The following CPXM2 variants were observed in gnomAD, a reference collection of about 807,000 sequenced individuals.
The protein encoded by CPXM2 is carboxypeptidase X, M14 family member 2.
CPXM2 carries 66 observed loss-of-function variants against 86.1 expected under a neutral mutation model. The ratio of observed to expected loss-of-function variants is 0.77; its 90% CI spans 0.63 to 0.94. The LOEUF (loss-of-function observed/expected upper bound fraction) is 0.94, where lower values mean the gene tolerates loss of function less well. Among genes scored for constraint, CPXM2 ranks in the 40% least tolerant of loss-of-function variants. The pLI is 0.00. For missense variants in CPXM2, 948 were observed against 1,026.3 expected (o/e 0.92, Z 1.04); for synonymous variants, 388 against 400.2 (o/e 0.97, Z 0.36).
At chr10:123,814,486 A>T (rs921050015) in intron 4 of CPXM2, among the ~76,000 whole-genome samples, 1 of 152,138 alleles carries the variant, frequency 6.6e-6, no homozygotes, top group Non-Finnish European at 1.5e-5. Context: ...GTTAATACTT[A>T]ATAAACTCCC....
upstream of CPXM2, among the ~76,000 whole-genome samples, chr10:123,895,106 TTTTTTC>T (rs1403346310): frequency 8.6e-6 from 1 of 115,638 alleles, no homozygotes; most frequent in Non-Finnish European, 1.9e-5. Flanking sequence ...AGATTCTTTT[TTTTTTC>T]TTTTTTTTCT....
At chr10:123,872,524 T>C (rs1944911582) in intron 2 of CPXM2, among the ~76,000 whole-genome samples, 1 of 152,082 alleles carries the variant, frequency 6.6e-6, no homozygotes, top group Non-Finnish European at 1.5e-5. Context: ...GGAGTAATGG[T>C]TACTGGCTGG....
intron 2 of CPXM2, among the ~76,000 whole-genome samples, chr10:123,871,943 A>T (rs532253079): frequency 6.6e-6 from 1 of 152,336 alleles, no homozygotes; most frequent in South Asian, 2.1e-4. Flanking sequence ...AGGTTATCCT[A>T]ATGGTAAGTA....
intron 2 of CPXM2, among the ~76,000 whole-genome samples, chr10:123,933,037 C>T (rs1334967150): frequency 6.6e-6 from 1 of 152,220 alleles, no homozygotes; most frequent in Non-Finnish European, 1.5e-5. Flanking sequence ...CCAATCCACC[C>T]TGGTACAGTG....
In CPXM2 at chr10:123,799,152, T is replaced by C; in HGVS notation, c.701A>G (p.His234Arg). 6.2e-7 allele frequency: 1 copy of C among 1,614,188 alleles called. No homozygotes were observed. The highest frequency in any genetic ancestry group is 8.5e-7 in the Non-Finnish European group (1 of 1,180,024). ...TCCATTCTTAACAGTGACCCACGTG[T>C]GGCTGTCATTGCTCACCATGACCTT... The part of the protein sequence containing the change: ...SYKVMVSNDS[H>R]TWVTVKNGSG... The change falls in exon 5 of 14, where the codon CAC becomes CGC. Residue 234 changes from histidine to arginine, a missense_variant. Coordinates refer to ENST00000241305, the MANE Select transcript of CPXM2 (RefSeq NM_198148.3).
At chr10:123,840,319 C>T (rs1373921939) in intron 4 of CPXM2, among the ~76,000 whole-genome samples, 1 of 152,164 alleles carries the variant, frequency 6.6e-6, no homozygotes, top group African/African-American at 2.4e-5. Flanking sequence ...TCAGCATGTA[C>T]ATACACAAAA....
At chr10:123,937,929 G>A (rs1945737957) in intron 2 of CPXM2, among the ~76,000 whole-genome samples, 1 of 152,148 alleles carries the variant, frequency 6.6e-6, no homozygotes, top group African/African-American at 2.4e-5. Context: ...TATTTCTGGT[G>A]CTAGAGCCTT....
intron 6 of CPXM2, among the ~76,000 whole-genome samples, chr10:123,780,762 T>TA (rs917411410): frequency 6.7e-5 from 10 of 148,162 alleles, no homozygotes; most frequent in African/African-American, 2.5e-4. Flanking sequence ...CCTTCCTTCC[T>TA]AAAAAAGTCC....
chr10:123,787,392 T>C (rs1847086599), intron 6 of CPXM2, among the ~76,000 whole-genome samples: 1 of 152,058 alleles, frequency 6.6e-6, no homozygotes, highest in Non-Finnish European at 1.5e-5. Context: ...ATGAGACTTT[T>C]TTTTTTCTTT....
rs374578205 is a variant in CPXM2, at chr10:123,871,971, AT to A, written c.403+8239del. On this transcript the variant is annotated intron_variant, in intron 2 of 13. Coordinates refer to ENST00000241305, the MANE Select transcript of CPXM2 (RefSeq NM_198148.3). ...GGTAAGTAAGCATTAGTCACTAGTCATCAGGAAAATACAAATTAAGACCACA... is the reference window on the plus strand; with the variant it reads ...GGTAAGTAAGCATTAGTCACTAGTCACAGGAAAATACAAATTAAGACCACA... 3.1e-4 allele frequency among the ~76,000 whole-genome samples: 47 copies of A among 152,378 alleles called. No homozygotes were observed. In the South Asian group the frequency reaches 9.3e-3, roughly 30 times the overall value.
chr10:123,764,921 C>A (rs1289311736), intron 10 of CPXM2, among the ~76,000 whole-genome samples: 1 of 152,156 alleles, frequency 6.6e-6, no homozygotes, highest in African/African-American at 2.4e-5. Context: ...CTGTAATCCA[C>A]AAATTTTCAT....
intron 1 of CPXM2, among the ~76,000 whole-genome samples, chr10:123,890,986 C>T (rs574349453): frequency 1.3e-5 from 2 of 152,322 alleles, no homozygotes; most frequent in Admixed American, 6.5e-5. Context: ...GAAATTCAGC[C>T]GCATTTGAGG....
At chr10:123,751,071 G>T in intron 13 of CPXM2, 1 of 985,172 alleles carries the variant, frequency 1.0e-6, no homozygotes, top group Non-Finnish European at 1.2e-6. Flanking sequence ...GCATTCATGC[G>T]TGCCAAGCCT....
At chr10:123,848,853 C>G (rs1384522801) in intron 3 of CPXM2, among the ~76,000 whole-genome samples, 1 of 152,142 alleles carries the variant, frequency 6.6e-6, no homozygotes, top group Non-Finnish European at 1.5e-5. Context: ...GTCAGTTGAT[C>G]TATAAAATGA....
intron 3 of CPXM2, among the ~76,000 whole-genome samples, chr10:123,854,372 A>AT: frequency 4.7e-5 from 4 of 84,800 alleles, no homozygotes; most frequent in African/African-American, 2.0e-4. Flanking sequence ...ATATATATAT[A>AT]TAATATATAT....
intron 3 of CPXM2, among the ~76,000 whole-genome samples, chr10:123,854,431 T>C (rs1262476396): frequency 8.2e-6 from 1 of 121,304 alleles, no homozygotes; most frequent in Non-Finnish European, 1.7e-5. Context: ...ATAATATATA[T>C]ATAATATACT....
intron 2 of CPXM2, among the ~76,000 whole-genome samples, chr10:123,921,709 A>G (rs1382200472): frequency 1.3e-5 from 2 of 152,234 alleles, no homozygotes; most frequent in Non-Finnish European, 2.9e-5. Flanking sequence ...CCTACAGGGT[A>G]ATAGAGACAG....
At chr10:123,921,879 G>C (rs904124604) in intron 2 of CPXM2, among the ~76,000 whole-genome samples, 4 of 152,198 alleles carry the variant, frequency 2.6e-5, no homozygotes, top group African/African-American at 7.2e-5. Flanking sequence ...AACTCTTTCA[G>C]GAGCTAAGAG....
At chr10:123,797,938 G>T in intron 6 of CPXM2, 38 bp downstream of exon 6, 1 of 1,523,122 alleles carries the variant, frequency 6.6e-7, no homozygotes, top group Middle Eastern at 1.8e-4. Context: ...TTCCATCAGT[G>T]CTCCCACCCT....
Sources: allele counts gnomAD v4.1 joint callset (sites outside exome capture counted in the v4.1 genomes callset), GRCh38; gene constraint gnomAD v4.1.1; transcripts MANE v1.5; gene names NCBI Gene and HGNC (gene_info 2026-07-23, HGNC 2026-07-21).